TRHDE: variants seen among roughly 807,000 people sequenced by gnomAD.
The protein encoded by TRHDE is thyrotropin-releasing hormone-degrading ectoenzyme.
In TRHDE, 72 loss-of-function variants were observed where a neutral mutation model predicts 125.7. The observed-to-expected ratio is 0.57, with a 90% CI of 0.47 to 0.70. The LOEUF (loss-of-function observed/expected upper bound fraction) is 0.70. TRHDE is among the 30% of genes least tolerant of loss of function. The pLI is 0.00. For synonymous variants in TRHDE, 509 were observed against 509.1 expected, an observed-to-expected ratio of 1.00 and a Z score of 0.00; for missense variants, 1,110 against 1,327.1, an observed-to-expected ratio of 0.84 and a Z score of 2.54.
chr12:72,230,530 C>T (rs1878227636), intron 2 of TRHDE, among the ~76,000 whole-genome samples: 2 of 152,002 alleles, frequency 1.3e-5, no homozygotes, highest in South Asian at 4.1e-4. Flanking sequence ...ATTGTTCAGC[C>T]ACATACCCAA....
At chr12:72,203,878 A>T (rs1304093321) in intron 2 of TRHDE, among the ~76,000 whole-genome samples, 2 of 152,158 alleles carry the variant, frequency 1.3e-5, no homozygotes, top group Non-Finnish European at 2.9e-5. Flanking sequence ...GTCAGGTCCT[A>T]AAATAGTTTA....
intron 2 of TRHDE, among the ~76,000 whole-genome samples, chr12:72,241,897 T>C (rs891331853): frequency 3.9e-5 from 6 of 152,198 alleles, no homozygotes; most frequent in African/African-American, 1.4e-4. Context: ...TTAATTTGCA[T>C]TACCCCAGTG....
intron 3 of TRHDE, among the ~76,000 whole-genome samples, chr12:72,450,291 C>A (rs1399464757): frequency 6.6e-6 from 1 of 152,010 alleles, no homozygotes; most frequent in Non-Finnish European, 1.5e-5. Flanking sequence ...TGATTTTCAA[C>A]CTTCATTTCA....
intron 2 of TRHDE, among the ~76,000 whole-genome samples, chr12:72,200,219 G>A (rs1357124175): frequency 6.6e-6 from 1 of 152,184 alleles, no homozygotes; most frequent in Non-Finnish European, 1.5e-5. Flanking sequence ...GACATCTCTT[G>A]TAATTGAAAG....
In TRHDE at chr12:72,570,536, G is replaced by A. The variant is rs553916729; in HGVS notation, c.2131+1880G>A. Among the ~76,000 whole-genome samples, 159 of 142,828 alleles carry A rather than the reference G, an allele frequency of 1.1e-3. No individual in the cohort carries two copies. In the Middle Eastern group the frequency reaches 0.016, roughly 14 times the overall value. 93.7% of individuals were successfully genotyped at this position (142,828 alleles called of 152,430 possible). A position where few individuals can be genotyped will look rare whatever the true frequency, so the allele number is the denominator to read the frequency against. ...GCGGAGGTTGCAGTGAGCCGAGATCGCGCTATGGCACTCCAGCCTGAGTGA... is the reference window on the plus strand; with the variant it reads ...GCGGAGGTTGCAGTGAGCCGAGATCACGCTATGGCACTCCAGCCTGAGTGA... On this transcript the variant is annotated intron_variant, in intron 10 of 18. Transcript: ENST00000261180.
At chr12:72,276,167 C>G (rs746912429) in intron 1 of TRHDE, among the ~76,000 whole-genome samples, 2 of 152,124 alleles carry the variant, frequency 1.3e-5, no homozygotes, top group Non-Finnish European at 2.9e-5. Flanking sequence ...AGCATCTCAG[C>G]TAGGGTTGGA....
At chr12:72,298,718 T>C (rs1184664506) in intron 2 of TRHDE, among the ~76,000 whole-genome samples, 1 of 152,138 alleles carries the variant, frequency 6.6e-6, no homozygotes, top group Non-Finnish European at 1.5e-5. Context: ...GATTTGAGCT[T>C]GGGAGGGCTT....
At chr12:72,090,239 C>T (rs1335214719) in intron 1 of TRHDE, among the ~76,000 whole-genome samples, 3 of 152,076 alleles carry the variant, frequency 2.0e-5, no homozygotes, top group African/African-American at 7.2e-5. Flanking sequence ...TTACTACTAA[C>T]AAAGATGAGT....
At chr12:72,364,448 G>A (rs529289307) in intron 2 of TRHDE, among the ~76,000 whole-genome samples, 1 of 151,792 alleles carries the variant, frequency 6.6e-6, no homozygotes, top group Non-Finnish European at 1.5e-5. Flanking sequence ...TATTTATCTG[G>A]CTATTACCTG....
At chr12:72,513,977 C>G (rs1366709163) in intron 6 of TRHDE, among the ~76,000 whole-genome samples, 1 of 152,114 alleles carries the variant, frequency 6.6e-6, no homozygotes, top group African/African-American at 2.4e-5. Flanking sequence ...AAGAAAATTT[C>G]TCCTGAAAAT....
At chr12:72,448,212 A>G (rs1166629950) in intron 3 of TRHDE, among the ~76,000 whole-genome samples, 1 of 152,082 alleles carries the variant, frequency 6.6e-6, no homozygotes, top group Non-Finnish European at 1.5e-5. Context: ...GCACAACTCT[A>G]GAAGGCTGCC....
chr12:72,221,015 T>C (rs890755282), intron 2 of TRHDE, among the ~76,000 whole-genome samples: 1 of 152,120 alleles, frequency 6.6e-6, no homozygotes, highest in Non-Finnish European at 1.5e-5. Flanking sequence ...TGAAATGAGG[T>C]ATAAATATTA....
chr12:72,293,963 G>A (rs905055234), intron 2 of TRHDE, among the ~76,000 whole-genome samples: 3 of 152,188 alleles, frequency 2.0e-5, no homozygotes, highest in Non-Finnish European at 4.4e-5. Context: ...CTGCAGTGGG[G>A]CAGGCAGCTC....
At chr12:72,155,641 G>T (rs1227444651) in intron 2 of TRHDE, among the ~76,000 whole-genome samples, 2 of 152,146 alleles carry the variant, frequency 1.3e-5, no homozygotes, top group East Asian at 1.9e-4. Flanking sequence ...GTGTATTGGA[G>T]TTTGCTGGAA....
At chr12:72,182,980 T>G (rs138419330) in intron 2 of TRHDE, among the ~76,000 whole-genome samples, 12 of 152,042 alleles carry the variant, frequency 7.9e-5, no homozygotes, top group Admixed American at 1.3e-4. Flanking sequence ...AGAGAAATAA[T>G]ATGGGCAGAG....
At chr12:72,577,124 C>A (rs1247406647) in intron 12 of TRHDE, among the ~76,000 whole-genome samples, 1 of 151,786 alleles carries the variant, frequency 6.6e-6, no homozygotes, top group Non-Finnish European at 1.5e-5. Context: ...GTCCAGCAAG[C>A]CAGAAGGATA....
chr12:72,287,569 T>C (rs150675590), intron 2 of TRHDE, among the ~76,000 whole-genome samples: 1 of 139,540 alleles, frequency 7.2e-6, no homozygotes, highest in East Asian at 2.0e-4. Flanking sequence ...ATTTCATATC[T>C]ATGTATAGAC....
chr12:72,595,086 G>C (rs1285814421), intron 12 of TRHDE, among the ~76,000 whole-genome samples: 1 of 135,904 alleles, frequency 7.4e-6, no homozygotes, highest in Non-Finnish European at 1.6e-5. Flanking sequence ...ACACAAGAAG[G>C]GGAACATCAC....
intron 2 of TRHDE, among the ~76,000 whole-genome samples, chr12:72,210,773 C>T (rs1684694761): frequency 6.6e-6 from 1 of 152,144 alleles, no homozygotes; most frequent in Non-Finnish European, 1.5e-5. Flanking sequence ...ATAGTATAGT[C>T]AAAACAACCA....
Sources: allele counts gnomAD v4.1 joint callset (sites outside exome capture counted in the v4.1 genomes callset), GRCh38; gene constraint gnomAD v4.1.1; transcripts MANE v1.5; gene names NCBI Gene and HGNC (gene_info 2026-07-23, HGNC 2026-07-21).